RBFOX1: variants seen among roughly 807,000 people sequenced by gnomAD.
RBFOX1 encodes the protein RNA binding protein fox-1 homolog 1.
Under a neutral mutation model 57.7 loss-of-function variants are expected in RBFOX1, and 8 were observed. The ratio of observed to expected loss-of-function variants is 0.14; its 90% confidence interval spans 0.08 to 0.25. RBFOX1 has a LOEUF of 0.25. Ranked by LOEUF, RBFOX1 falls within the 10% of genes least tolerant of loss-of-function variation. The pLI is 1.00. For synonymous variants in RBFOX1, 326 were observed against 222.4 expected (o/e 1.47, Z -4.15); for missense variants, 611 against 548.5 (o/e 1.11, Z -1.14).
intron 1 of RBFOX1, among the ~76,000 whole-genome samples, chr16:6,246,301 G>C (rs900182613): frequency 6.6e-6 from 1 of 152,136 alleles, no homozygotes; most frequent in African/African-American, 2.4e-5. Flanking sequence ...CTCTTAGTGG[G>C]CTATAGTTAC....
At chr16:5,640,179 G>T (rs182841824) in intron 3 of RBFOX1, among the ~76,000 whole-genome samples, 161 of 152,274 alleles carry the variant, frequency 1.1e-3, no homozygotes, top group Non-Finnish European at 2.0e-3. Flanking sequence ...CATTGAGCAG[G>T]ACAGCATTGC....
chr16:6,129,384 A>G (rs2096613117), intron 1 of RBFOX1, among the ~76,000 whole-genome samples: 1 of 152,188 alleles, frequency 6.6e-6, no homozygotes, highest in Non-Finnish European at 1.5e-5. Flanking sequence ...TGAAATAAGC[A>G]AGGCACTTGA....
intron 2 of RBFOX1, among the ~76,000 whole-genome samples, chr16:6,541,152 G>A (rs1311584399): frequency 2.0e-5 from 3 of 152,208 alleles, no homozygotes; most frequent in African/African-American, 7.2e-5. Flanking sequence ...TGAGTTGGTA[G>A]TAGGACACAG....
chr16:6,085,424 C>A (rs978567556), intron 1 of RBFOX1, among the ~76,000 whole-genome samples: 2 of 152,148 alleles, frequency 1.3e-5, no homozygotes, highest in African/African-American at 4.8e-5. Context: ...AGGTATGCGC[C>A]GCTATGCCCA....
intron 1 of RBFOX1, among the ~76,000 whole-genome samples, chr16:6,062,238 A>AAAT (rs1383692414): frequency 1.3e-5 from 2 of 152,074 alleles, no homozygotes; most frequent in Non-Finnish European, 2.9e-5. Context: ...AGGCTTCATT[A>AAAT]AATAGGTTTG....
chr16:5,989,843 A>AACACACACACACACACACACACACAC (rs199624083), intron 4 of RBFOX1, among the ~76,000 whole-genome samples: 2 of 20,748 alleles, frequency 9.6e-5, no homozygotes, highest in South Asian at 3.2e-3. Context: ...AACACCCCCT[A>AACACACACACACACACACACACACAC]ACACACACAC....
At chr16:5,533,425 T>C (rs1597426414) in intron 2 of RBFOX1, among the ~76,000 whole-genome samples, 1 of 151,990 alleles carries the variant, frequency 6.6e-6, no homozygotes, top group Non-Finnish European at 1.5e-5. Context: ...GGGGAAGGGG[T>C]GATGAGTTGC....
intron 1 of RBFOX1, among the ~76,000 whole-genome samples, chr16:5,435,779 C>G (rs2067898140): frequency 6.6e-6 from 1 of 152,216 alleles, no homozygotes; most frequent in South Asian, 2.1e-4. Context: ...ACTAAACATT[C>G]TCTGGCACAT....
chr16:6,211,628 G>GTA (rs1384618374), intron 1 of RBFOX1, among the ~76,000 whole-genome samples: 1 of 152,070 alleles, frequency 6.6e-6, no homozygotes, highest in Non-Finnish European at 1.5e-5. Context: ...TCAGGTCCCC[G>GTA]TTTGTAAAGC....
rs530658367 is a variant in RBFOX1, at chr16:5,352,273, C to T, written c.219+112168C>T. Among the ~76,000 whole-genome samples the T allele has an allele frequency of 2.0e-5, 3 of 152,272 alleles. No individual in the cohort carries two copies. The East Asian group carries it at 5.8e-4, about 29-fold the overall frequency. ...CTGGGAGATGCTATGAACTCTTGTC[C>T]CCCAAGCTGAGCAGCTATATCCAAC... On this transcript the variant is annotated intron_variant, in intron 1 of 2. Coordinates refer to the RBFOX1 transcript ENST00000585867.
chr16:6,063,095 C>G (rs1008490147), intron 1 of RBFOX1, among the ~76,000 whole-genome samples: 1 of 152,110 alleles, frequency 6.6e-6, no homozygotes, highest in African/African-American at 2.4e-5. Flanking sequence ...CACAGAAACA[C>G]GTAGATGAAT....
chr16:7,561,868 A>G (rs1014314037), intron 5 of RBFOX1, among the ~76,000 whole-genome samples: 7 of 152,224 alleles, frequency 4.6e-5, no homozygotes, highest in Admixed American at 4.6e-4. Flanking sequence ...TAAATCTTGC[A>G]TAATATATTA....
chr16:7,694,717 G>A (rs2078251367), intron 14 of RBFOX1, among the ~76,000 whole-genome samples: 1 of 152,146 alleles, frequency 6.6e-6, no homozygotes. Context: ...GCTGGGAGTG[G>A]CAGGGAATGT....
At chr16:5,692,074 G>T (rs2050698956) in intron 3 of RBFOX1, among the ~76,000 whole-genome samples, 1 of 151,874 alleles carries the variant, frequency 6.6e-6, no homozygotes, top group Non-Finnish European at 1.5e-5. Flanking sequence ...AAGTGTCATG[G>T]TTATTGATTT....
Position 7,575,386 on chromosome 16 carries a change from G to C in RBFOX1, c.271-4391G>C, listed in dbSNP as rs190931967. Among the ~76,000 whole-genome samples the C allele has an allele frequency of 4.6e-3, 698 of 152,248 alleles. 2 individuals are homozygous for C. The highest frequency in any genetic ancestry group is 6.6e-3 in the Non-Finnish European group (449 of 68,018). On this transcript the variant is annotated intron_variant, in intron 5 of 15. Transcript: ENST00000550418. ...CTTACCTCATGATCTGCCCCGCTCAGCCTCCCAAAGTGCTGGGATTATAGG... is the reference window on the plus strand; with the variant it reads ...CTTACCTCATGATCTGCCCCGCTCACCCTCCCAAAGTGCTGGGATTATAGG...
At chr16:7,283,301 T>C (rs1032577652) in intron 4 of RBFOX1, among the ~76,000 whole-genome samples, 1 of 151,702 alleles carries the variant, frequency 6.6e-6, no homozygotes, top group African/African-American at 2.4e-5. Flanking sequence ...TCCTCCCTGG[T>C]CCCCCAATCT....
chr16:7,409,879 A>C (rs2098405229), intron 4 of RBFOX1, among the ~76,000 whole-genome samples: 1 of 152,172 alleles, frequency 6.6e-6, no homozygotes, highest in South Asian at 2.1e-4. Flanking sequence ...GAAGTGTGGA[A>C]AAATGGAGTT....
At chr16:6,658,469 A>T (rs112517706) in intron 3 of RBFOX1, among the ~76,000 whole-genome samples, 5 of 151,958 alleles carry the variant, frequency 3.3e-5, no homozygotes, top group African/African-American at 1.2e-4. Context: ...AGCCTCCCAA[A>T]GTGCTGGGAT....
At chr16:6,053,683 A>G (rs1247350443) in intron 1 of RBFOX1, among the ~76,000 whole-genome samples, 3 of 152,094 alleles carry the variant, frequency 2.0e-5, no homozygotes, top group Admixed American at 6.5e-5. Context: ...ATCTTTCCCT[A>G]CGTACATAAG....
Sources: allele counts gnomAD v4.1 joint callset (sites outside exome capture counted in the v4.1 genomes callset), GRCh38; gene constraint gnomAD v4.1.1; transcripts MANE v1.5; gene names NCBI Gene and HGNC (gene_info 2026-07-23, HGNC 2026-07-21).